EEA1: variants seen among roughly 807,000 people sequenced by gnomAD.
The protein encoded by EEA1 is early endosome antigen 1, 162kD.
EEA1 carries 111 observed loss-of-function variants against 209.2 expected under a neutral mutation model. The ratio of observed to expected loss-of-function variants is 0.53; its 90% CI spans 0.45 to 0.62. The LOEUF is 0.62. Ranked by LOEUF, EEA1 falls within the 20% of genes least tolerant of loss-of-function variation. EEA1 has a pLI of 0.00. For missense variants in EEA1, 1,343 were observed against 1,530.8 expected, an observed-to-expected ratio of 0.88 and a Z score of 2.05; for synonymous variants, 536 against 540.6, an observed-to-expected ratio of 0.99 and a Z score of 0.12.
chr12:92,857,412 T>C lies in EEA1; in HGVS notation c.300+19A>G. ...CTGAAACACTGAAAATAAAAAGGTATAACAATTTTTATTCTTACCTTAAGT... is the reference window on the plus strand; with the variant it reads ...CTGAAACACTGAAAATAAAAAGGTACAACAATTTTTATTCTTACCTTAAGT... On this transcript the variant is annotated intron_variant, in intron 4 of 28. Coordinates refer to ENST00000322349, the MANE Select transcript of EEA1 (RefSeq NM_003566.4). The C allele has an allele frequency of 6.3e-7, 1 of 1,588,826 alleles. No homozygotes were observed. The highest frequency in any genetic ancestry group is 8.6e-7 in the Non-Finnish European group (1 of 1,169,316).
rs559268553 is a variant in EEA1, at chr12:92,797,828, T to C, written c.2967+1064A>G. 3.3e-4 allele frequency among the ~76,000 whole-genome samples: 50 copies of C among 152,302 alleles called. No individual in the cohort carries two copies. In the Middle Eastern group the frequency reaches 0.014, roughly 41 times the overall value. ...ACTACTATTTTGTAAAGCAGCATAA[T>C]AATAGCTACAAAAACAGTGGTCAAC... On this transcript the variant is annotated intron_variant, in intron 21 of 28. Transcript: ENST00000322349.
rs1449107850 is a variant in EEA1, at chr12:92,852,280, A to G, written c.537T>C (p.Tyr179=). Residue 179 remains tyrosine (Y), a synonymous_variant, in exon 8 of 29, where the codon TAT becomes TAC. Transcript: ENST00000322349. Reference sequence around the variant, plus strand: ...CTTCTCGAAGACTCCTTTCTTCATCATACTTTGACTTTATATCTAATTAAA... The same window carrying G: ...CTTCTCGAAGACTCCTTTCTTCATCGTACTTTGACTTTATATCTAATTAAA... The part of the protein sequence containing the change: ...ATEIADIKSK[Y]DEERSLREAA... The G allele has an allele frequency of 1.3e-6, 2 of 1,581,614 alleles. No individual in the cohort carries two copies. The highest frequency in any genetic ancestry group is 1.4e-5 in the African/African-American group (1 of 73,120).
At chr12:92,898,609 A>T (rs1371265471) in intron 1 of EEA1, among the ~76,000 whole-genome samples, 1 of 150,690 alleles carries the variant, frequency 6.6e-6, no homozygotes, top group Non-Finnish European at 1.5e-5. Context: ...AGTTGCAGTG[A>T]GCCGAGATCG....
At chr12:92,820,109 A>C (rs1875976637) in intron 13 of EEA1, among the ~76,000 whole-genome samples, 1 of 152,130 alleles carries the variant, frequency 6.6e-6, no homozygotes. Context: ...CCCCCATTAA[A>C]ATGTATACTC....
intron 2 of EEA1, chr12:92,884,341 C>A: frequency 7.9e-7 from 1 of 1,272,452 alleles, no homozygotes; most frequent in Non-Finnish European, 1.1e-6. Context: ...GGGCTTTATC[C>A]AGCCAAAGAG....
chr12:92,891,349 T>G (rs1397016504), intron 2 of EEA1, among the ~76,000 whole-genome samples: 1 of 152,158 alleles, frequency 6.6e-6, no homozygotes, highest in African/African-American at 2.4e-5. Context: ...CTAATTAACC[T>G]GTAATTCTTT....
At chr12:92,805,762 G>C (rs1211325352) in intron 18 of EEA1, among the ~76,000 whole-genome samples, 1 of 152,120 alleles carries the variant, frequency 6.6e-6, no homozygotes, top group Non-Finnish European at 1.5e-5. Flanking sequence ...CTGCAGCTAA[G>C]CACTTCTATG....
At chr12:92,913,223 A>T (rs574346033) in intron 1 of EEA1, among the ~76,000 whole-genome samples, 2 of 151,964 alleles carry the variant, frequency 1.3e-5, no homozygotes, top group Non-Finnish European at 2.9e-5. Flanking sequence ...TTGTTTTTTA[A>T]TTTTTTGTAA....
intron 19 of EEA1, 107 bp from the exon 20 acceptor site, chr12:92,801,808 T>C: frequency 1.5e-6 from 1 of 683,322 alleles, no homozygotes; most frequent in Non-Finnish European, 2.2e-6. Context: ...ACTAAAATTA[T>C]GATGAGCTAA....
In EEA1 at chr12:92,776,153, A is replaced by G. The variant is rs1365863435; in HGVS notation, c.4114-20T>C. The G allele has an allele frequency of 1.1e-5, 18 of 1,593,438 alleles. No homozygotes were observed. The highest frequency in any genetic ancestry group is 1.5e-5 in the Non-Finnish European group (17 of 1,169,142). On this transcript the variant is annotated intron_variant, in intron 28 of 28. Transcript: ENST00000322349. ...GTGATGCTGTAAATGACAAAAATTA[A>G]ACAATTTCAAGAATAAAAACTATAC...
chr12:92,846,215 C>T (rs1344026291), intron 9 of EEA1, among the ~76,000 whole-genome samples: 1 of 152,062 alleles, frequency 6.6e-6, no homozygotes, highest in Non-Finnish European at 1.5e-5. Flanking sequence ...GAAGGTGACA[C>T]ATTAAGGGTA....
intron 1 of EEA1, among the ~76,000 whole-genome samples, chr12:92,898,731 C>CTTTTTTTT (rs772593153): frequency 2.6e-5 from 2 of 76,110 alleles, no homozygotes; most frequent in African/African-American, 5.5e-5. Context: ...CTTTTTTTCC[C>CTTTTTTTT]TTTTTTTTTT....
chr12:92,829,548 G>A (rs981436273), intron 11 of EEA1, among the ~76,000 whole-genome samples: 1 of 152,094 alleles, frequency 6.6e-6, no homozygotes, highest in African/African-American at 2.4e-5. Flanking sequence ...GGAGGCTGAG[G>A]AGGGTGGACT....
At chr12:92,786,939 C>A (rs1874161257) in intron 22 of EEA1, among the ~76,000 whole-genome samples, 1 of 152,158 alleles carries the variant, frequency 6.6e-6, no homozygotes, top group South Asian at 2.1e-4. Flanking sequence ...TGTCTGCTTG[C>A]TTTATTCATT....
chr12:92,832,448 C>CCAT, intron 11 of EEA1, 64 bp downstream of exon 11: 1 of 1,426,794 alleles, frequency 7.0e-7, no homozygotes, highest in South Asian at 1.4e-5. Context: ...GATCAAATAA[C>CCAT]CATCAAGTAC....
At chr12:92,867,794 A>C (rs536246652) in intron 2 of EEA1, among the ~76,000 whole-genome samples, 1 of 152,280 alleles carries the variant, frequency 6.6e-6, no homozygotes, top group South Asian at 2.1e-4. Context: ...TTACAAAAAT[A>C]CATATACACA....
intron 18 of EEA1, among the ~76,000 whole-genome samples, chr12:92,806,983 G>C (rs1380444379): frequency 6.6e-6 from 1 of 151,754 alleles, no homozygotes; most frequent in African/African-American, 2.4e-5. Context: ...TGTCGCCCAG[G>C]TTGGAGTGCA....
rs905880512 is a variant in EEA1, at chr12:92,815,530, C to T, written c.1929+670G>A. ...TTATATTCCGTCTTTCCAGTGGAAT[C>T]ATTATCTTACAGTAAAATCAAGCCT... On this transcript the variant is annotated intron_variant, in intron 15 of 28. Transcript: ENST00000322349. Among the ~76,000 whole-genome samples, 2 of 152,268 alleles carry T rather than the reference C, an allele frequency of 1.3e-5. 1 individual carries two copies. Among genetic ancestry groups the T allele is most frequent in the Admixed American group, 1.3e-4 (2 of 15,298 alleles).
chr12:92,912,632 A>G (rs758275682), intron 1 of EEA1, among the ~76,000 whole-genome samples: 2 of 152,150 alleles, frequency 1.3e-5, no homozygotes, highest in Non-Finnish European at 2.9e-5. Flanking sequence ...ATAGTGGTGA[A>G]GTCTCGGCTT....
Sources: allele counts gnomAD v4.1 joint callset (sites outside exome capture counted in the v4.1 genomes callset), GRCh38; gene constraint gnomAD v4.1.1; transcripts MANE v1.5; gene names NCBI Gene and HGNC (gene_info 2026-07-23, HGNC 2026-07-21).